FAT3: variants seen among roughly 807,000 people sequenced by gnomAD.
FAT3 encodes protocadherin Fat 3.
Under a neutral mutation model 310.2 loss-of-function variants are expected in FAT3, and 95 were observed. The observed-to-expected ratio is 0.31, with a 90% CI of 0.26 to 0.36. The LOEUF (loss-of-function observed/expected upper bound fraction) is 0.36. FAT3 is among the 10% of genes least tolerant of loss of function. FAT3 has a pLI of 1.00. For missense variants in FAT3, 5,408 were observed against 5,715.6 expected, an observed-to-expected ratio of 0.95 and a Z score of 1.74; for synonymous variants, 2,314 against 2,192.9, an observed-to-expected ratio of 1.06 and a Z score of -1.54.
At chr11:92,302,886 C>T (rs1947035607) in intron 1 of FAT3, among the ~76,000 whole-genome samples, 1 of 152,058 alleles carries the variant, frequency 6.6e-6, no homozygotes, top group Admixed American at 6.6e-5. Flanking sequence ...TTAATAACAA[C>T]TGTGGAAATA....
chr11:92,359,005 G>C (rs2134664167), intron 2 of FAT3, among the ~76,000 whole-genome samples: 1 of 152,240 alleles, frequency 6.6e-6, no homozygotes, highest in South Asian at 2.1e-4. Flanking sequence ...TTGGTTAGCA[G>C]CTCTCAAACT....
At chr11:92,443,153 G>T (rs1258861315) in intron 2 of FAT3, among the ~76,000 whole-genome samples, 2 of 152,226 alleles carry the variant, frequency 1.3e-5, no homozygotes, top group South Asian at 2.1e-4. Flanking sequence ...AAACTTAGAG[G>T]TGCAATTAGG....
intron 3 of FAT3, among the ~76,000 whole-genome samples, chr11:92,571,672 A>G (rs548179897): frequency 6.6e-6 from 1 of 152,314 alleles, no homozygotes; most frequent in Admixed American, 6.5e-5. Context: ...TAAGACTCGC[A>G]TAGCCACTCA....
intron 2 of FAT3, among the ~76,000 whole-genome samples, chr11:92,467,341 T>C (rs1951790689): frequency 6.6e-6 from 1 of 152,224 alleles, no homozygotes; most frequent in African/African-American, 2.4e-5. Flanking sequence ...ATGGTGAGCA[T>C]TTTTTCATGT....
At chr11:92,394,590 G>A (rs1949820935) in intron 2 of FAT3, among the ~76,000 whole-genome samples, 2 of 151,916 alleles carry the variant, frequency 1.3e-5, no homozygotes, top group South Asian at 4.2e-4. Context: ...TCAGCTGTGG[G>A]ATTTGGGCAA....
intron 22 of FAT3, among the ~76,000 whole-genome samples, chr11:92,872,888 C>T (rs962044699): frequency 2.0e-5 from 3 of 152,186 alleles, no homozygotes; most frequent in African/African-American, 7.2e-5. Flanking sequence ...TAACAGAGCT[C>T]ATCCTCACTC....
chr11:92,806,725 T>C (rs1333964486), intron 12 of FAT3, among the ~76,000 whole-genome samples: 1 of 152,202 alleles, frequency 6.6e-6, no homozygotes, highest in Non-Finnish European at 1.5e-5. Context: ...GATTTACTTA[T>C]GTGAACGTGG....
intron 3 of FAT3, among the ~76,000 whole-genome samples, chr11:92,669,216 A>G (rs1943052766): frequency 6.6e-6 from 1 of 152,186 alleles, no homozygotes; most frequent in Non-Finnish European, 1.5e-5. Flanking sequence ...TTTTACCTGG[A>G]GAATTAATTC....
At chr11:92,815,185 G>C (rs144509179) in intron 13 of FAT3, among the ~76,000 whole-genome samples, 1 of 152,278 alleles carries the variant, frequency 6.6e-6, no homozygotes, top group East Asian at 1.9e-4. Context: ...AAATGAATTG[G>C]AACAAGGAAA....
At chr11:92,413,649 T>C (rs143308712) in intron 2 of FAT3, among the ~76,000 whole-genome samples, 22 of 152,300 alleles carry the variant, frequency 1.4e-4, no homozygotes, top group Non-Finnish European at 2.8e-4. Flanking sequence ...CTCAACTGAA[T>C]GTCTAGAATT....
chr11:92,590,388 A>G (rs1275702942), intron 3 of FAT3, among the ~76,000 whole-genome samples: 1 of 152,118 alleles, frequency 6.6e-6, no homozygotes, highest in Non-Finnish European at 1.5e-5. Context: ...GTTTAGGAAA[A>G]CAGCACCTGG....
chr11:92,384,783 A>G (rs1949580393), intron 2 of FAT3, among the ~76,000 whole-genome samples: 1 of 152,224 alleles, frequency 6.6e-6, no homozygotes, highest in East Asian at 1.9e-4. Context: ...AGATGTGCCA[A>G]GATGTAGAGA....
At chr11:92,248,738 A>G (rs1865025831) in intron 1 of FAT3, among the ~76,000 whole-genome samples, 1 of 147,560 alleles carries the variant, frequency 6.8e-6, no homozygotes, top group South Asian at 2.1e-4. Context: ...AAAACTTAAT[A>G]TATCAAAATG....
intron 3 of FAT3, among the ~76,000 whole-genome samples, chr11:92,650,152 T>C (rs1942324671): frequency 6.6e-6 from 1 of 151,962 alleles, no homozygotes; most frequent in African/African-American, 2.4e-5. Context: ...ATACCTTGCA[T>C]CCTACCAGAA....
chr11:92,279,523 GCA>G (rs765378196), intron 1 of FAT3, among the ~76,000 whole-genome samples: 5 of 151,984 alleles, frequency 3.3e-5, no homozygotes, highest in Non-Finnish European at 5.9e-5. Context: ...GAGTGCATGT[GCA>G]CACACACACC....
chr11:92,479,900 T>C (rs1480400605), intron 2 of FAT3, among the ~76,000 whole-genome samples: 2 of 152,032 alleles, frequency 1.3e-5, no homozygotes, highest in Non-Finnish European at 2.9e-5. Flanking sequence ...GTGGGTGTCA[T>C]GTGGTCAGCC....
intron 3 of FAT3, among the ~76,000 whole-genome samples, chr11:92,614,843 T>C (rs531884760): frequency 6.6e-6 from 1 of 152,372 alleles, no homozygotes; most frequent in South Asian, 2.1e-4. Flanking sequence ...ACATCGTTCT[T>C]ACATTTAGAT....
At position 92,883,079 on chromosome 11, in the gene FAT3, C is replaced by G. The variant is rs1173384364; in HGVS notation, c.12623C>G (p.Pro4208Arg). The G allele has an allele frequency of 3.7e-6, 6 of 1,613,894 alleles. No individual in the cohort carries two copies. The Admixed American group carries it at 6.7e-5, about 18-fold the overall frequency. The change falls in exon 24 of 28, where the codon CCG becomes CGG. Residue 4208 changes from proline (P) to arginine (R), a missense_variant. Coordinates refer to ENST00000525166, the MANE Select transcript of FAT3 (RefSeq NM_001367949.2). This position sits in a 1 kb window ranked among gnomAD's most constrained non-coding sequence, Gnocchi z 4.2. ...AALLNKSNGI[P>R]FRNLRGSGDG... ...CTGCTTAACAAGAGCAATGGCATCCCGTTCCGGAACCTGCGCGGCAGTGGG... is the reference window on the plus strand; with the variant it reads ...CTGCTTAACAAGAGCAATGGCATCCGGTTCCGGAACCTGCGCGGCAGTGGG...
chr11:92,735,324 G>A (rs1397638684), intron 4 of FAT3, among the ~76,000 whole-genome samples: 1 of 152,140 alleles, frequency 6.6e-6, no homozygotes, highest in African/African-American at 2.4e-5. Flanking sequence ...TTCACATAAG[G>A]GTCTTTCCTG....
Sources: allele counts gnomAD v4.1 joint callset (sites outside exome capture counted in the v4.1 genomes callset), GRCh38; gene constraint gnomAD v4.1.1; non-coding constraint Gnocchi (gnomAD v3.1); transcripts MANE v1.5; gene names NCBI Gene and HGNC (gene_info 2026-07-23, HGNC 2026-07-21).